Variants in SYNM observed in about 807,000 individuals in gnomAD.
SYNM encodes the protein synemin, also known as desmuslin.
In SYNM, 95 loss-of-function variants were observed where a neutral mutation model predicts 104.0. The observed-to-expected ratio is 0.91, with a 90% CI of 0.77 to 1.08. The LOEUF is 1.08. Among genes scored for constraint, SYNM ranks in the 50% least tolerant of loss-of-function variants. The pLI, the probability that SYNM is intolerant of heterozygous loss-of-function variation, is 0.00. For synonymous variants in SYNM, 918 were observed against 869.0 expected, an observed-to-expected ratio of 1.06 and a Z score of -0.99; for missense variants, 2,150 against 2,052.2, an observed-to-expected ratio of 1.05 and a Z score of -0.92.
chr15:99,133,859 C>G lies in SYNM; in HGVS notation c.*801C>G, dbSNP rs1363808780. ...ATGCCCTTTTCTGGAGTGGCCAGTT[C>G]CTATCAGACTGTGCAGACTTGCGCT... On this transcript the variant is annotated 3_prime_UTR_variant, in exon 4 of 4. Transcript: ENST00000336292. 2.6e-5 allele frequency: 3 copies of G among 116,526 alleles called. No individual in the cohort carries two copies. Among genetic ancestry groups the G allele is most frequent in the Non-Finnish European group, 3.6e-5 (2 of 56,284 alleles). The allele number at this position is 116,526 out of a possible 1,614,324, so 7.2% of individuals were successfully genotyped here.
intron 2 of SYNM, among the ~76,000 whole-genome samples, chr15:99,117,257 C>G (rs552573938): frequency 6.6e-6 from 1 of 152,300 alleles, no homozygotes; most frequent in African/African-American, 2.4e-5. Flanking sequence ...CTGGGTGGGG[C>G]CCGAACAGCT....
chr15:99,129,840 G>T lies in SYNM; in HGVS notation c.1480G>T (p.Val494Phe), dbSNP rs548127820. ...SESTRSNERT[V>F]ILGKKTEVKA... Reference sequence around the variant, plus strand: ...AAGCACACGGTCAAATGAGAGGACCGTCATTCTGGGAAAGAAAACAGAAGT... The same window carrying T: ...AAGCACACGGTCAAATGAGAGGACCTTCATTCTGGGAAAGAAAACAGAAGT... Residue 494 changes from valine (V) to phenylalanine (F), a missense_variant, in exon 4 of 4, where the codon GTC becomes TTC. Val to Phe is a conservative substitution (Grantham distance 50). Transcript: ENST00000336292. The T allele has an allele frequency of 6.2e-7, 1 of 1,613,474 alleles. No individual in the cohort carries two copies. Among genetic ancestry groups the T allele is most frequent in the Non-Finnish European group, 8.5e-7 (1 of 1,179,828 alleles).
At chr15:99,113,837 G>A in intron 2 of SYNM, 122 bp downstream of exon 2, 1 of 1,415,636 alleles carries the variant, frequency 7.1e-7, no homozygotes, top group East Asian at 2.5e-5. Flanking sequence ...CAAGCAGAGA[G>A]CAGCCCTTGG....
chr15:99,115,455 A>C (rs1159774473), intron 2 of SYNM, among the ~76,000 whole-genome samples: 1 of 124,794 alleles, frequency 8.0e-6, no homozygotes, highest in Admixed American at 8.5e-5. Context: ...TTTTAATTTT[A>C]TTTATTTTAT....
At chr15:99,137,734 C>T (rs2067704352), downstream of SYNM, 3 of 424,556 alleles carry the variant, frequency 7.1e-6, no homozygotes, top group African/African-American at 6.0e-5. Context: ...GTTTTTCAGC[C>T]ACAGTAGTGC....
chr15:99,105,780 C>T lies in SYNM; in HGVS notation c.581C>T (p.Ser194Leu). The change falls in exon 1 of 4, where the codon TCG becomes TTG. Residue 194 changes from serine to leucine, a missense_variant. Transcript: ENST00000336292. ...AGCTACGCACTGCTGGTGGCCGAGT[C>T]GTGGCGGGAGACGGTGCAGCTGTAC... ...HDSYALLVAE[S>L]WRETVQLYED... is the part of the protein sequence containing the mutation. The T allele has an allele frequency of 6.5e-7, 1 of 1,540,834 alleles. No individual in the cohort carries two copies. The highest frequency in any genetic ancestry group is 8.7e-7 in the Non-Finnish European group (1 of 1,144,674).
chr15:99,118,360 T>G (rs548401810), intron 2 of SYNM, among the ~76,000 whole-genome samples: 5 of 152,360 alleles, frequency 3.3e-5, no homozygotes, highest in African/African-American at 1.2e-4. Context: ...TGACCCTTAT[T>G]CTTTAACTAA....
intron 1 of SYNM, among the ~76,000 whole-genome samples, chr15:99,113,046 C>G (rs1460869440): frequency 6.6e-6 from 1 of 152,178 alleles, no homozygotes; most frequent in Non-Finnish European, 1.5e-5. Context: ...TGTAGTTTGT[C>G]ATTTATGCCC....
chr15:99,120,610 C>T (rs1555484423), intron 2 of SYNM, among the ~76,000 whole-genome samples: 2 of 152,150 alleles, frequency 1.3e-5, no homozygotes, highest in Admixed American at 6.5e-5. Flanking sequence ...AAGACACTGC[C>T]AGTGTGGGCT....
At chr15:99,107,927 G>GTT (rs36146650) in intron 1 of SYNM, among the ~76,000 whole-genome samples, 138 of 145,306 alleles carry the variant, frequency 9.5e-4, no homozygotes, top group South Asian at 8.4e-3. Context: ...TAAGGACCTG[G>GTT]TTTTTTTTTT....
rs1596112503 is a variant in SYNM at position 99,105,548 on chromosome 15, C to G, written c.349C>G (p.Gln117Glu). 1.7e-6 allele frequency: 2 copies of G among 1,210,454 alleles called. No individual in the cohort carries two copies. Among genetic ancestry groups the G allele is most frequent in the East Asian group, 3.7e-5 (1 of 27,200 alleles). 75.0% of individuals were successfully genotyped at this position (1,210,454 alleles called of 1,614,324 possible). A position where few individuals can be genotyped will look rare whatever the true frequency, so the allele number is the denominator to read the frequency against. ...GRLDAELGAQ[Q>E]RELQEALGAR... is the part of the protein sequence containing the mutation. ...CCTGGACGCCGAGCTGGGTGCGCAGCAGCGCGAGCTGCAGGAGGCGCTGGG... is the reference window on the plus strand; with the variant it reads ...CCTGGACGCCGAGCTGGGTGCGCAGGAGCGCGAGCTGCAGGAGGCGCTGGG... The change falls in exon 1 of 4, where the codon CAG becomes GAG. Residue 117 changes from glutamine (Q) to glutamate (E), a missense_variant. Coordinates refer to ENST00000336292, the MANE Select transcript of SYNM (RefSeq NM_145728.3).
chr15:99,115,373 T>C (rs1414550511), intron 2 of SYNM, among the ~76,000 whole-genome samples: 1 of 151,954 alleles, frequency 6.6e-6, no homozygotes, highest in Non-Finnish European at 1.5e-5. Flanking sequence ...GTTCAGCACA[T>C]CTTGTAGGCT....
rs781860750 is a variant in SYNM, at chr15:99,133,062, G to A, written c.*4G>A. The stretch of plus-strand genomic sequence containing the variant: ...GAATGATGGGCATTGGTTTTAATAA[G>A]CAGAAACATTTTGTTTTAATGGCAG... On this transcript the variant is annotated 3_prime_UTR_variant, in exon 4 of 4. Coordinates refer to ENST00000336292, the MANE Select transcript of SYNM (RefSeq NM_145728.3). 1.9e-6 allele frequency: 3 copies of A among 1,612,312 alleles called. No individual in the cohort carries two copies. The highest frequency in any genetic ancestry group is 1.7e-5 in the Admixed American group (1 of 59,992).
At chr15:99,118,859 G>C (rs782159811) in intron 2 of SYNM, among the ~76,000 whole-genome samples, 1 of 152,194 alleles carries the variant, frequency 6.6e-6, no homozygotes, top group East Asian at 1.9e-4. Flanking sequence ...ATCCTAAGAC[G>C]TGCAGCACCA....
rs553792243 is a variant in SYNM at position 99,120,625 on chromosome 15, G to A, written c.936-6097G>A. ...AAGACACTGCCAGTGTGGGCTTCAC[G>A]TCAAGGAACATGGGCTGTAGATGAG... On this transcript the variant is annotated intron_variant, in intron 2 of 3. Coordinates refer to ENST00000336292, the MANE Select transcript of SYNM (RefSeq NM_145728.3). Among the ~76,000 whole-genome samples the A allele has an allele frequency of 1.4e-4, 21 of 152,302 alleles. No individual in the cohort carries two copies. The South Asian group carries it at 4.1e-3, about 30-fold the overall frequency.
intron 1 of SYNM, among the ~76,000 whole-genome samples, chr15:99,112,954 G>A (rs1303441539): frequency 2.0e-5 from 3 of 152,100 alleles, no homozygotes; most frequent in East Asian, 1.9e-4. Flanking sequence ...CAAGTGATCC[G>A]CCCGCTTCGG....
Position 99,131,391 on chromosome 15 carries a change from G to A in SYNM, c.3031G>A (p.Ala1011Thr). The change falls in exon 4 of 4, where the codon GCC becomes ACC. Residue 1011 changes from alanine to threonine, a missense_variant. Physicochemically the swap from Ala to Thr is moderately conservative, Grantham distance 58 (BLOSUM62 0). Coordinates refer to ENST00000336292, the MANE Select transcript of SYNM (RefSeq NM_145728.3). The surrounding 1 kb of genome is among the most constrained non-coding windows in gnomAD (Gnocchi z 4.3). The part of the protein sequence containing the change: ...AEVNVSQTVD[A>T]DRLDLEELSK... Reference sequence around the variant, plus strand: ...AGTCAACGTCTCACAAACTGTGGATGCCGATCGGTTAGACCTGGAGGAGCT... The same window carrying A: ...AGTCAACGTCTCACAAACTGTGGATACCGATCGGTTAGACCTGGAGGAGCT... 6.2e-7 allele frequency: 1 copy of A among 1,612,796 alleles called. No individual in the cohort carries two copies. Among genetic ancestry groups the A allele is most frequent in the Non-Finnish European group, 8.5e-7 (1 of 1,179,472 alleles).
chr15:99,122,255 C>T (rs971146041), intron 2 of SYNM, among the ~76,000 whole-genome samples: 1 of 152,200 alleles, frequency 6.6e-6, no homozygotes, highest in Non-Finnish European at 1.5e-5. Flanking sequence ...TGTCTCTGGT[C>T]TCCATGTAGA....
intron 2 of SYNM, 52 bp from the exon 3 acceptor site, chr15:99,126,670 C>A: frequency 6.6e-7 from 1 of 1,512,066 alleles, no homozygotes. Flanking sequence ...ATTAGAGGCA[C>A]TTCTTACTCT....
Sources: gnomAD v4.1 joint callset for allele counts (sites outside exome capture counted in the v4.1 genomes callset) on GRCh38, gnomAD v4.1.1 for gene constraint, Gnocchi (gnomAD v3.1) non-coding constraint, MANE v1.5 for transcripts, NCBI Gene and HGNC (gene_info 2026-07-23, HGNC 2026-07-21) for gene names.